SPSB4: variants seen among roughly 807,000 people sequenced by gnomAD.
SPSB4 encodes the protein SPRY domain-containing SOCS box protein 4.
Under a neutral mutation model 20.9 loss-of-function variants are expected in SPSB4, and 21 were observed. That is an observed-to-expected ratio of 1.01 (90% CI 0.71 to 1.45). The LOEUF (loss-of-function observed/expected upper bound fraction) is 1.45. Among genes scored for constraint, SPSB4 ranks in the 40% most tolerant of loss-of-function variants. SPSB4 has a pLI of 0.00. For synonymous variants in SPSB4, 207 were observed against 183.8 expected, an observed-to-expected ratio of 1.13 and a Z score of -1.02; for missense variants, 399 against 399.2, an observed-to-expected ratio of 1.00 and a Z score of 0.00.
intron 2 of SPSB4, among the ~76,000 whole-genome samples, chr3:141,074,030 A>G (rs1038998281): frequency 6.6e-6 from 1 of 152,230 alleles, no homozygotes; most frequent in Non-Finnish European, 1.5e-5. Flanking sequence ...GGTTCATGGA[A>G]GTCTGGCTTG....
chr3:141,112,841 G>T (rs2107798871), intron 2 of SPSB4, among the ~76,000 whole-genome samples: 1 of 152,138 alleles, frequency 6.6e-6, no homozygotes, highest in Non-Finnish European at 1.5e-5. Flanking sequence ...ACCACTTCTG[G>T]CCTCAAGGAG....
intron 2 of SPSB4, among the ~76,000 whole-genome samples, chr3:141,124,790 G>A (rs62283600): frequency 0.19 from 28,332 of 152,030 alleles, 4,113 homozygotes; most frequent in African/African-American, 0.4. Flanking sequence ...GTTTCACTGC[G>A]GAGAGTTGAC....
At chr3:141,106,827 C>T (rs1346240050) in intron 2 of SPSB4, among the ~76,000 whole-genome samples, 1 of 152,174 alleles carries the variant, frequency 6.6e-6, no homozygotes, top group African/African-American at 2.4e-5. Flanking sequence ...CCTGAAATAA[C>T]AGGATCTAAG....
chr3:141,059,867 G>A (rs1460230619), intron 1 of SPSB4, among the ~76,000 whole-genome samples: 2 of 152,208 alleles, frequency 1.3e-5, no homozygotes, highest in East Asian at 1.9e-4. Context: ...GCAAAAGCAG[G>A]TGAGGTTAGC....
chr3:141,112,079 C>T (rs993532077), intron 2 of SPSB4, among the ~76,000 whole-genome samples: 2 of 152,342 alleles, frequency 1.3e-5, no homozygotes, highest in South Asian at 2.1e-4. Flanking sequence ...AGGCACCATG[C>T]GTGTCAGTCA....
At chr3:141,071,814 A>G (rs553819450) in intron 2 of SPSB4, among the ~76,000 whole-genome samples, 1 of 152,372 alleles carries the variant, frequency 6.6e-6, no homozygotes, top group East Asian at 1.9e-4. Context: ...CTGTATTTCC[A>G]GACGTCTTTC....
chr3:141,133,117 T>A (rs536819532), intron 2 of SPSB4, among the ~76,000 whole-genome samples: 15 of 152,286 alleles, frequency 9.8e-5, no homozygotes, highest in Non-Finnish European at 1.2e-4. Flanking sequence ...TTTGAGAATT[T>A]TCTATTCATA....
intron 2 of SPSB4, among the ~76,000 whole-genome samples, chr3:141,071,495 T>C (rs1331461178): frequency 6.6e-6 from 1 of 152,036 alleles, no homozygotes; most frequent in East Asian, 1.9e-4. Flanking sequence ...TTTTTTCTTT[T>C]CGTCGCAATA....
chr3:141,108,999 G>A (rs565260982), intron 2 of SPSB4, among the ~76,000 whole-genome samples: 4 of 152,310 alleles, frequency 2.6e-5, no homozygotes, highest in South Asian at 2.1e-4. Flanking sequence ...TGACCCCACC[G>A]CTCTAACTGG....
At chr3:141,143,857 G>C (rs1365417060) in intron 2 of SPSB4, among the ~76,000 whole-genome samples, 2 of 152,202 alleles carry the variant, frequency 1.3e-5, no homozygotes, top group African/African-American at 4.8e-5. Flanking sequence ...ACATCTGAGA[G>C]TTACAGAATG....
At chr3:141,105,383 A>T (rs1938671928) in intron 2 of SPSB4, among the ~76,000 whole-genome samples, 1 of 152,198 alleles carries the variant, frequency 6.6e-6, no homozygotes, top group Non-Finnish European at 1.5e-5. Flanking sequence ...CCCATGGCCT[A>T]TAATTTCATT....
At chr3:141,087,722 A>G (rs1402849357) in intron 2 of SPSB4, among the ~76,000 whole-genome samples, 1 of 152,170 alleles carries the variant, frequency 6.6e-6, no homozygotes, top group African/African-American at 2.4e-5. Flanking sequence ...CAAGCCACAG[A>G]GTCCTGCATT....
At chr3:141,124,114 G>A (rs1354606622) in intron 2 of SPSB4, 1 of 152,234 alleles carries the variant, frequency 6.6e-6, no homozygotes, top group Non-Finnish European at 1.5e-5. Context: ...CCTTTGTAGA[G>A]ATGCAGGCTC....
At chr3:141,100,850 A>G (rs1346739782) in intron 2 of SPSB4, among the ~76,000 whole-genome samples, 1 of 152,104 alleles carries the variant, frequency 6.6e-6, no homozygotes, top group African/African-American at 2.4e-5. Flanking sequence ...TAGGGAGAGA[A>G]GGGAGGGTGC....
intron 2 of SPSB4, among the ~76,000 whole-genome samples, chr3:141,101,976 C>T (rs140031720): frequency 6.6e-6 from 1 of 152,196 alleles, no homozygotes; most frequent in Non-Finnish European, 1.5e-5. Flanking sequence ...AGGAATGCTC[C>T]TCTAGCCCCA....
rs561649319 is a variant in SPSB4, at chr3:141,138,853, G to A, written c.695-8289G>A. Among the ~76,000 whole-genome samples, 26 of 152,200 alleles carry A rather than the reference G, an allele frequency of 1.7e-4. No individual in the cohort carries two copies. The East Asian group carries it at 3.1e-3, about 18-fold the overall frequency. ...AGTTCTGTAGATGTCTATTAGGTCC[G>A]CTTGGTGCAGAGCTGAGTTCAATTC... On this transcript the variant is annotated intron_variant, in intron 2 of 2. Transcript: ENST00000310546.
At chr3:141,075,605 G>A (rs915810886) in intron 2 of SPSB4, among the ~76,000 whole-genome samples, 2 of 152,004 alleles carry the variant, frequency 1.3e-5, no homozygotes, top group South Asian at 2.1e-4. Flanking sequence ...GGACTGGGTC[G>A]GGCCCAAGAT....
At chr3:141,082,663 C>A (rs1214545667) in intron 2 of SPSB4, among the ~76,000 whole-genome samples, 4 of 151,676 alleles carry the variant, frequency 2.6e-5, no homozygotes, top group Non-Finnish European at 5.9e-5. Flanking sequence ...ATCTATCTAT[C>A]TTTCCATTAA....
chr3:141,054,102 C>T (rs1186496607), intron 1 of SPSB4, among the ~76,000 whole-genome samples: 1 of 152,228 alleles, frequency 6.6e-6, no homozygotes, highest in Non-Finnish European at 1.5e-5. Flanking sequence ...CAGAAAGTGG[C>T]CAAGCCACAG....
Sources: gnomAD v4.1 joint callset for allele counts (sites outside exome capture counted in the v4.1 genomes callset) on GRCh38, gnomAD v4.1.1 for gene constraint, MANE v1.5 for transcripts, NCBI Gene and HGNC (gene_info 2026-07-23, HGNC 2026-07-21) for gene names.